The following ZBTB40 variants were observed in gnomAD, a reference collection of about 807,000 sequenced individuals.
ZBTB40 encodes the protein zinc finger and BTB domain-containing protein 40.
A neutral mutation model predicts 117.5 loss-of-function variants in ZBTB40; 60 were observed. The observed-to-expected ratio is 0.51, with a 90% confidence interval of 0.41 to 0.63. The LOEUF is 0.63. Among genes scored for constraint, ZBTB40 ranks in the 30% least tolerant of loss-of-function variants. The pLI, the probability that ZBTB40 is intolerant of heterozygous loss-of-function variation, is 0.00. For synonymous variants in ZBTB40, 525 were observed against 577.1 expected (o/e 0.91, Z 1.29); for missense variants, 1,287 against 1,498.5 (o/e 0.86, Z 2.33).
chr1:22,486,324 C>T (rs1638464736), intron 1 of ZBTB40, among the ~76,000 whole-genome samples: 1 of 152,160 alleles, frequency 6.6e-6, no homozygotes, highest in African/African-American at 2.4e-5. Flanking sequence ...TTAGATGGTA[C>T]AGGATGGCTA....
Position 22,506,276 on chromosome 1 carries a change from C to G in ZBTB40, c.1360+35C>G, listed in dbSNP as rs778076469. 3.1e-6 allele frequency: 5 copies of G among 1,606,434 alleles called. No individual in the cohort carries two copies. The Middle Eastern group carries it at 5.4e-4, about 172-fold the overall frequency. On this transcript the variant is annotated intron_variant, in intron 6 of 17. Coordinates refer to ENST00000375647, the MANE Select transcript of ZBTB40 (RefSeq NM_014870.4). Reference sequence around the variant, plus strand: ...AATTGTTGACTCTCTGGACTGGAACCACTCTTCCAGAAAATTGTAGCTTGA... The same window carrying G: ...AATTGTTGACTCTCTGGACTGGAACGACTCTTCCAGAAAATTGTAGCTTGA...
At chr1:22,451,225 A>ACG (rs1468350160), upstream of ZBTB40, among the ~76,000 whole-genome samples, 2 of 152,204 alleles carry the variant, frequency 1.3e-5, no homozygotes, top group Non-Finnish European at 1.5e-5. Flanking sequence ...CGGGCTGGGG[A>ACG]CGCGGCTCAG....
chr1:22,474,709 A>G (rs1641513331), intron 1 of ZBTB40, among the ~76,000 whole-genome samples: 2 of 152,342 alleles, frequency 1.3e-5, no homozygotes, highest in African/African-American at 4.8e-5. Flanking sequence ...ATCAGAGAGC[A>G]TCTCAGCCTC....
At position 22,481,822 on chromosome 1, in the gene ZBTB40, T is replaced by C. The variant is rs1638329859; in HGVS notation, c.-69-8058T>C. On this transcript the variant is annotated intron_variant, in intron 1 of 17. Transcript: ENST00000375647. ...AAAAAAAAAAAAAAAAAAATCACAT[T>C]ACATTGGTGTAATTTGTTTCTTAGA... Among the ~76,000 whole-genome samples, 4 of 144,610 alleles carry C rather than the reference T, an allele frequency of 2.8e-5. No homozygotes were observed. In the South Asian group the frequency reaches 8.9e-4, roughly 32 times the overall value. 94.9% of individuals were successfully genotyped at this position (144,610 alleles called of 152,430 possible). A position where few individuals can be genotyped will look rare whatever the true frequency, so the allele number is the denominator to read the frequency against.
chr1:22,431,710 T>C (rs1476848624), intron 1 of ZBTB40, among the ~76,000 whole-genome samples: 1 of 150,372 alleles, frequency 6.7e-6, no homozygotes, highest in South Asian at 2.1e-4. Flanking sequence ...CACTCCAGCC[T>C]GGGCGACAAG....
intron 3 of ZBTB40, among the ~76,000 whole-genome samples, chr1:22,493,263 T>C (rs956470511): frequency 7.2e-5 from 11 of 152,356 alleles, no homozygotes; most frequent in African/African-American, 2.2e-4. Flanking sequence ...TCCTCAGTTT[T>C]AGAGGTCAGA....
intron 1 of ZBTB40, among the ~76,000 whole-genome samples, chr1:22,461,637 T>A (rs1457815746): frequency 6.6e-6 from 1 of 152,026 alleles, no homozygotes; most frequent in Non-Finnish European, 1.5e-5. Context: ...CACAGAGGGG[T>A]ACTGAAGGCT....
chr1:22,433,438 A>ACAAAAAC (rs1225536166), intron 1 of ZBTB40, among the ~76,000 whole-genome samples: 9 of 129,152 alleles, frequency 7.0e-5, no homozygotes, highest in Admixed American at 1.7e-4. Flanking sequence ...CTCTCAAAAA[A>ACAAAAAC]AAAAAAAAAA....
chr1:22,526,258 G>C lies in ZBTB40; in HGVS notation c.3582G>C (p.Glu1194Asp). The C allele has an allele frequency of 6.2e-7, 1 of 1,614,182 alleles. No individual in the cohort carries two copies. The highest frequency in any genetic ancestry group is 8.5e-7 in the Non-Finnish European group (1 of 1,180,026). Reference sequence around the variant, plus strand: ...CAGAGCAGGTGATCACTTTGGAGGAGACCCAGCTTGCCGGGTCGCAGGTGT... The same window carrying C: ...CAGAGCAGGTGATCACTTTGGAGGACACCCAGCTTGCCGGGTCGCAGGTGT... ...APTEQVITLEETQLAGSQVFV... is the reference protein window; with the variant it reads ...APTEQVITLEDTQLAGSQVFV... The change falls in exon 18 of 18, where the codon GAG becomes GAC. Residue 1194 changes from glutamate to aspartate, a missense_variant. Physicochemically the swap from Glu to Asp is conservative, Grantham distance 45 (BLOSUM62 2). This residue lies in a region of ZBTB40 where 417 missense variants were observed against 564.1 expected (regional missense o/e 0.74). Transcript: ENST00000375647.
intron 1 of ZBTB40, among the ~76,000 whole-genome samples, chr1:22,488,801 A>AGGTAGGGGTAGC: frequency 6.6e-6 from 1 of 152,234 alleles, no homozygotes; most frequent in African/African-American, 2.4e-5. Context: ...AGATAGGATG[A>AGGTAGGGGTAGC]GGTAGGGGTA....
At chr1:22,525,655 C>T (rs182638415) in intron 17 of ZBTB40, among the ~76,000 whole-genome samples, 30 of 152,364 alleles carry the variant, frequency 2.0e-4, no homozygotes, top group African/African-American at 5.3e-4. Context: ...GCACTGGCCC[C>T]GCCAGGCTGG....
At chr1:22,504,357 G>A (rs1639024844) in intron 5 of ZBTB40, among the ~76,000 whole-genome samples, 1 of 152,156 alleles carries the variant, frequency 6.6e-6, no homozygotes, top group Non-Finnish European at 1.5e-5. Flanking sequence ...AATTACTATA[G>A]CTGTCATTTA....
rs190307085 is a variant in ZBTB40 at position 22,483,971 on chromosome 1, G to T, written c.-69-5909G>T. 2.6e-5 allele frequency among the ~76,000 whole-genome samples: 4 copies of T among 152,282 alleles called. No individual in the cohort carries two copies. In the East Asian group the frequency reaches 7.7e-4, roughly 29 times the overall value. ...TAGATTCATTTTTTCGTATGTGAAT[G>T]TCCAGTTGGTTCCAGCATCACTTGT... On this transcript the variant is annotated intron_variant, in intron 1 of 17. Transcript: ENST00000375647.
chr1:22,526,186 G>C lies in ZBTB40; in HGVS notation c.3526-16G>C. On this transcript the variant is annotated splice_polypyrimidine_tract_variant and intron_variant, in intron 17 of 17. Transcript: ENST00000375647. Reference sequence around the variant, plus strand: ...TGAACACTGCCCAGAGCAGCCTCACGGTCTTTCTCTTTCAGGTGATCCAAA... The same window carrying C: ...TGAACACTGCCCAGAGCAGCCTCACCGTCTTTCTCTTTCAGGTGATCCAAA... 6.2e-7 allele frequency: 1 copy of C among 1,614,074 alleles called. No homozygotes were observed. Among genetic ancestry groups the C allele is most frequent in the South Asian group, 1.1e-5 (1 of 91,050 alleles).
intron 1 of ZBTB40, among the ~76,000 whole-genome samples, chr1:22,429,686 T>C (rs1449909080): frequency 6.6e-6 from 1 of 152,190 alleles, no homozygotes; most frequent in Non-Finnish European, 1.5e-5. Flanking sequence ...TCTACATTTT[T>C]TTTCCATTAA....
rs141692141 is a variant in ZBTB40 at position 22,511,749 on chromosome 1, C to T, written c.2076C>T (p.Asn692=). The T allele has an allele frequency of 7.5e-6, 12 of 1,608,500 alleles. No individual in the cohort carries two copies. Among genetic ancestry groups the T allele is most frequent in the Non-Finnish European group, 9.3e-6 (11 of 1,178,518 alleles). The change falls in exon 11 of 18, where the codon AAC becomes AAT. Residue 692 remains asparagine (N), a synonymous_variant. Transcript: ENST00000375647. ...VSNKFHLEAN[N]KEDEKAAKED... ...ATAAATTTCACCTTGAAGCCAACAA[C>T]AAAGAAGATGAAAAGGCAGCCAAAG...
chr1:22,512,058 C>T lies in ZBTB40; in HGVS notation c.2385C>T (p.Pro795=), dbSNP rs752184234. The change falls in exon 11 of 18, where the codon CCC becomes CCT. Residue 795 remains proline, a synonymous_variant. Transcript: ENST00000375647. ...AGGCCCATGGTGCAGGTGGAGAGCC[C>T]GATGCCCCCAAGAAGAAGAAGAAGA... ...QLEAHGAGGE[P]DAPKKKKKRL... 47 of 1,613,868 alleles carry T rather than the reference C, an allele frequency of 2.9e-5. 1 individual carries two copies. The South Asian group carries it at 3.2e-4, about 11-fold the overall frequency.
In ZBTB40 at chr1:22,528,672, G is replaced by GT. The variant is rs1639748367; in HGVS notation, c.*2277dup. ...TTCCCAAGTAGCTGGGACCACAGGC[G>GT]TGAGCCACCACTGCTGGCCAGTTTT... is the stretch of plus-strand genomic sequence containing the variant. On this transcript the variant is annotated 3_prime_UTR_variant, in exon 18 of 18. Coordinates refer to ENST00000375647, the MANE Select transcript of ZBTB40 (RefSeq NM_014870.4). 6.6e-6 allele frequency: 1 copy of GT among 151,368 alleles called. No homozygotes were observed. The highest frequency in any genetic ancestry group is 2.4e-5 in the African/African-American group (1 of 41,158). The allele number at this position is 151,368 out of a possible 1,614,324, so 9.4% of individuals were successfully genotyped here. A position where few individuals can be genotyped will look rare whatever the true frequency, so the allele number is the denominator to read the frequency against.
intron 1 of ZBTB40, among the ~76,000 whole-genome samples, chr1:22,436,744 A>G (rs1245586745): frequency 6.6e-6 from 1 of 152,146 alleles, no homozygotes; most frequent in East Asian, 1.9e-4. Context: ...ACAAAACACT[A>G]CATATTATAT....
Sources: gnomAD v4.1 joint callset for allele counts (sites outside exome capture counted in the v4.1 genomes callset) on GRCh38, gnomAD v4.1.1 for gene constraint, gnomAD v4.1.1 regional missense constraint, MANE v1.5 for transcripts, NCBI Gene and HGNC (gene_info 2026-07-23, HGNC 2026-07-21) for gene names.